MVB12A: variants seen among roughly 807,000 people sequenced by gnomAD.
MVB12A encodes CIN85/CD2AP family binding protein.
Under a neutral mutation model 34.3 loss-of-function variants are expected in MVB12A, and 30 were observed. The observed-to-expected ratio is 0.88, with a 90% CI of 0.65 to 1.19. The LOEUF (loss-of-function observed/expected upper bound fraction) is 1.19, where lower values mean the gene tolerates loss of function less well. Ranked by LOEUF, MVB12A falls within the 50% of genes most tolerant of loss-of-function variation. MVB12A has a pLI of 0.00. For missense variants in MVB12A, 355 were observed against 369.2 expected, an observed-to-expected ratio of 0.96 and a Z score of 0.31; for synonymous variants, 158 against 158.9, an observed-to-expected ratio of 0.99 and a Z score of 0.04.
chr19:17,406,953 C>T (rs965746275), intron 2 of MVB12A, among the ~76,000 whole-genome samples: 3 of 152,148 alleles, frequency 2.0e-5, no homozygotes, highest in Admixed American at 6.6e-5. Flanking sequence ...TGCAAAGACA[C>T]GACCTTTGCC....
intron 2 of MVB12A, among the ~76,000 whole-genome samples, chr19:17,411,437 C>T (rs1461376833): frequency 6.6e-6 from 1 of 152,088 alleles, no homozygotes; most frequent in Non-Finnish European, 1.5e-5. Context: ...TCACTGCAGC[C>T]TTTGACCTCC....
intron 3 of MVB12A, 21 bp downstream of exon 3, chr19:17,420,655 G>T (rs765950113): frequency 3.9e-6 from 6 of 1,558,380 alleles, no homozygotes; most frequent in Non-Finnish European, 4.4e-6. Context: ...CTTCGGAGGC[G>T]AGAGTTGTCC....
At chr19:17,418,416 G>A (rs1049097550), upstream of MVB12A, 5 of 84,866 alleles carry the variant, frequency 5.9e-5, no homozygotes, top group African/African-American at 1.9e-4. Context: ...TTATTGAGAC[G>A]AGTTTCGCTC....
upstream of MVB12A, chr19:17,419,932 G>C (rs1018965778): frequency 7.5e-6 from 3 of 398,816 alleles, no homozygotes; most frequent in Admixed American, 1.3e-4. Context: ...CCCTGGCGAC[G>C]CGTGGTGGCG....
In MVB12A at chr19:17,410,496, TCATATATATATA is replaced by T. The variant is rs746114889; in HGVS notation, c.-5+4201_-5+4212del. The stretch of plus-strand genomic sequence containing the variant: ...CGCTAGCATTCTTTTGGTTTTAGCT[TCATATATATATA>T]TATATATATATATATATATATACAC... On this transcript the variant is annotated intron_variant, in intron 2 of 6. Transcript: ENST00000528604. Among the ~76,000 whole-genome samples, 6 of 31,506 alleles carry T rather than the reference TCATATATATATA, an allele frequency of 1.9e-4. 1 individual carries two copies. In the South Asian group the frequency reaches 3.2e-3, roughly 17 times the overall value. 20.7% of individuals were successfully genotyped at this position (31,506 alleles called of 152,430 possible). A position where few individuals can be genotyped will look rare whatever the true frequency, so the allele number is the denominator to read the frequency against.
chr19:17,405,806 T>TA, intron 1 of MVB12A: 2 of 472,768 alleles, frequency 4.2e-6, no homozygotes, highest in South Asian at 5.2e-5. Context: ...TAAAAGCCCT[T>TA]GGGCCCTTCC....
At chr19:17,420,014 C>CGGGGG, upstream of MVB12A, 1 of 354,148 alleles carries the variant, frequency 2.8e-6, no homozygotes, top group East Asian at 5.2e-5. Context: ...GGGCAATCTC[C>CGGGGG]GCCCCCCCCC....
chr19:17,422,336 C>G lies in MVB12A; in HGVS notation c.291C>G (p.Ala97=). Residue 97 remains alanine (A), a synonymous_variant, in exon 4 of 9, where the codon GCC becomes GCG. Coordinates refer to ENST00000317040, the MANE Select transcript of MVB12A (RefSeq NM_138401.4). ...SPVCDPMDSK[A]SVSKKKRMCV... The stretch of plus-strand genomic sequence containing the variant: ...TCCCCTACCCCCCACTCCCAGAGGC[C>G]TCTGTGTCCAAGAAGAAACGCATGT... 6.2e-7 allele frequency: 1 copy of G among 1,611,936 alleles called. No homozygotes were observed. The highest frequency in any genetic ancestry group is 8.5e-7 in the Non-Finnish European group (1 of 1,178,768).
intron 3 of MVB12A, 77 bp from the exon 4 acceptor site, chr19:17,422,255 C>T: frequency 6.8e-7 from 1 of 1,463,342 alleles, no homozygotes; most frequent in South Asian, 1.3e-5. Context: ...CCTGGCGAGC[C>T]TCATCCTAGA....
chr19:17,420,869 C>T (rs990598962), intron 3 of MVB12A: 11 of 668,882 alleles, frequency 1.6e-5, no homozygotes, highest in African/African-American at 1.6e-4. Flanking sequence ...GTGTTCAGTC[C>T]ACGCCACCTG....
rs1312963877 is a variant in MVB12A at position 17,420,553 on chromosome 19, G to A, written c.205G>A (p.Val69Met). ...LGSLENPQEN[V>M]VADIQIVVDK... is the part of the protein sequence containing the mutation. ...CCACCCCCAGAACCCGCAGGAGAACGTGGTGGCCGATATCCAGATCGTGGT... is the reference window on the plus strand; with the variant it reads ...CCACCCCCAGAACCCGCAGGAGAACATGGTGGCCGATATCCAGATCGTGGT... The change falls in exon 3 of 9, where the codon GTG (valine) becomes ATG (methionine). Residue 69 changes from valine to methionine, a missense_variant. By Grantham distance (21) the Val-to-Met change is conservative (BLOSUM62 1). Transcript: ENST00000317040. The A allele has an allele frequency of 2.5e-6, 4 of 1,613,782 alleles. No homozygotes were observed. Among genetic ancestry groups the A allele is most frequent in the African/African-American group, 2.7e-5 (2 of 74,914 alleles).
intron 7 of MVB12A, 119 bp from the exon 8 acceptor site, chr19:17,424,502 A>T: frequency 9.9e-7 from 1 of 1,009,366 alleles, no homozygotes; most frequent in Non-Finnish European, 1.5e-6. Flanking sequence ...AATAAGGGGG[A>T]GGGATGTCCG....
chr19:17,411,081 G>A, intron 2 of MVB12A, among the ~76,000 whole-genome samples: 1 of 150,146 alleles, frequency 6.7e-6, no homozygotes, highest in African/African-American at 2.4e-5. Flanking sequence ...CAATTCTCCT[G>A]CCTCAGCCTC....
chr19:17,423,977 C>A, intron 6 of MVB12A, 29 bp from the exon 7 acceptor site: 1 of 1,613,004 alleles, frequency 6.2e-7, no homozygotes, highest in Non-Finnish European at 8.5e-7. Context: ...CCCTACACCT[C>A]ACCTCCTCCC....
chr19:17,424,693 GGGA>G lies in MVB12A; in HGVS notation c.759+22_759+24del. On this transcript the variant is annotated intron_variant, in intron 8 of 8. Transcript: ENST00000317040. ...TGAGGAGGAGGTGGGTGCAGGGCTA[GGGA>G]GGAGGTGGGTGCAGGGCTAGGGAGG... The G allele has an allele frequency of 3.1e-6, 5 of 1,599,636 alleles. No individual in the cohort carries two copies. The highest frequency in any genetic ancestry group is 3.4e-6 in the Non-Finnish European group (4 of 1,170,882).
At chr19:17,420,926 C>G (rs1490121872) in intron 3 of MVB12A, 1 of 632,574 alleles carries the variant, frequency 1.6e-6, no homozygotes, top group South Asian at 1.5e-5. Flanking sequence ...CATAGCCAAG[C>G]AAAACCACTG....
intron 2 of MVB12A, among the ~76,000 whole-genome samples, chr19:17,411,107 T>C (rs2074766588): frequency 6.7e-6 from 1 of 148,460 alleles, no homozygotes; most frequent in African/African-American, 2.5e-5. Context: ...TAGCTGGGAT[T>C]ACAGGCATGC....
At chr19:17,417,807 C>A, upstream of MVB12A, 1 of 287,306 alleles carries the variant, frequency 3.5e-6, no homozygotes, top group South Asian at 3.8e-5. Context: ...ATTTGGACTT[C>A]TCTTTCACTG....
At chr19:17,410,368 AG>A (rs2074756488) in intron 2 of MVB12A, among the ~76,000 whole-genome samples, 1 of 150,118 alleles carries the variant, frequency 6.7e-6, no homozygotes, top group African/African-American at 2.5e-5. Context: ...TGGGGGTCTC[AG>A]TATGTTTCCC....
Sources: allele counts gnomAD v4.1 joint callset (sites outside exome capture counted in the v4.1 genomes callset), GRCh38; gene constraint gnomAD v4.1.1; transcripts MANE v1.5; gene names NCBI Gene and HGNC (gene_info 2026-07-23, HGNC 2026-07-21).